The following ABL1 variants were observed in gnomAD, a reference collection of about 807,000 sequenced individuals.
ABL1 encodes tyrosine-protein kinase ABL1.
In ABL1, 11 loss-of-function variants were observed where a neutral mutation model predicts 94.7. The ratio of observed to expected loss-of-function variants is 0.12; its 90% CI spans 0.07 to 0.19. ABL1 has a LOEUF of 0.19. ABL1 is among the 10% of genes least tolerant of loss of function. The pLI is 1.00. For synonymous variants in ABL1, 656 were observed against 622.4 expected (o/e 1.05, Z -0.80); for missense variants, 1,082 against 1,489.4 (o/e 0.73, Z 4.50).
chr9:130,859,686 T>C lies in ABL1; in HGVS notation c.550-3077T>C, dbSNP rs1253322092. Among the ~76,000 whole-genome samples the C allele has an allele frequency of 2.1e-4, 23 of 111,394 alleles. 2 individuals are homozygous for C. The highest frequency in any genetic ancestry group is 9.1e-4 in the African/African-American group (21 of 23,092). 73.1% of individuals were successfully genotyped at this position (111,394 alleles called of 152,430 possible). A position where few individuals can be genotyped will look rare whatever the true frequency, so the allele number is the denominator to read the frequency against. ...TTCTTTTCTTTCTTTCCTTTTTTTT[T>C]TTTTTTTTTTTTTTTTTTTTGAGAC... On this transcript the variant is annotated intron_variant, in intron 3 of 10. Coordinates refer to ENST00000318560, the MANE Select transcript of ABL1 (RefSeq NM_005157.6).
rs149032190 is a variant in ABL1, at chr9:130,876,966, G to T, written c.1271-1449G>T. On this transcript the variant is annotated intron_variant, in intron 7 of 10. Coordinates refer to ENST00000318560, the MANE Select transcript of ABL1 (RefSeq NM_005157.6). ...GTTAGCCAGGATGGTCTCGATCTCCGGACTTCGTGATCCGCCCACCTTGGC... is the reference window on the plus strand; with the variant it reads ...GTTAGCCAGGATGGTCTCGATCTCCTGACTTCGTGATCCGCCCACCTTGGC... Among the ~76,000 whole-genome samples the T allele has an allele frequency of 4.1e-5, 6 of 146,448 alleles. 1 individual carries two copies. The East Asian group carries it at 7.8e-4, about 19-fold the overall frequency.
chr9:130,799,800 A>G (rs981464562), intron 1 of ABL1, among the ~76,000 whole-genome samples: 10 of 152,182 alleles, frequency 6.6e-5, no homozygotes, highest in Non-Finnish European at 1.0e-4. Context: ...GCTTTGTGTA[A>G]TAATGGACGC....
intron 1 of ABL1, among the ~76,000 whole-genome samples, chr9:130,797,809 TAGA>T (rs1157256224): frequency 6.6e-6 from 1 of 152,214 alleles, no homozygotes; most frequent in African/African-American, 2.4e-5. Context: ...GTTTGCCAAA[TAGA>T]AGAACACGGG....
chr9:130,815,905 C>G (rs1472900943), intron 1 of ABL1, among the ~76,000 whole-genome samples: 1 of 152,186 alleles, frequency 6.6e-6, no homozygotes, highest in Non-Finnish European at 1.5e-5. Context: ...GTAATCCCAG[C>G]TACTTGGGAG....
chr9:130,835,650 C>G lies in ABL1; in HGVS notation c.79+125C>G. 1.6e-6 allele frequency: 1 copy of G among 614,738 alleles called. No homozygotes were observed. Among genetic ancestry groups the G allele is most frequent in the Non-Finnish European group, 2.7e-6 (1 of 363,782 alleles). 38.1% of individuals were successfully genotyped at this position (614,738 alleles called of 1,614,324 possible). A position where few individuals can be genotyped will look rare whatever the true frequency, so the allele number is the denominator to read the frequency against. ...CCTCCCCGGGTCTTGTCTTTTTTTT[C>G]TTTCTTCCCTCTTCTCTTCTCTTCT... On this transcript the variant is annotated intron_variant, in intron 1 of 10. Transcript: ENST00000318560. The surrounding 1 kb of genome is among the most constrained non-coding windows in gnomAD (Gnocchi z 4.6).
intron 1 of ABL1, among the ~76,000 whole-genome samples, chr9:130,781,497 G>A (rs1175145090): frequency 6.6e-6 from 1 of 152,146 alleles, no homozygotes; most frequent in African/African-American, 2.4e-5. Flanking sequence ...GAGAAGAATT[G>A]CCAGAGAAGA....
chr9:130,874,140 T>G (rs997790999), intron 6 of ABL1, among the ~76,000 whole-genome samples: 2 of 152,202 alleles, frequency 1.3e-5, no homozygotes, highest in African/African-American at 2.4e-5. Context: ...CACGCAGCCA[T>G]CACCTCAAGC....
chr9:130,718,208 C>G (rs987883743), intron 1 of ABL1, among the ~76,000 whole-genome samples: 3 of 151,408 alleles, frequency 2.0e-5, no homozygotes, highest in Non-Finnish European at 4.4e-5. Flanking sequence ...ATCTCAGCTA[C>G]TCAGGAGGCT....
chr9:130,872,379 G>A lies in ABL1; in HGVS notation c.907+166G>A, dbSNP rs879778841. On this transcript the variant is annotated intron_variant, in intron 5 of 10. Coordinates refer to ENST00000318560, the MANE Select transcript of ABL1 (RefSeq NM_005157.6). The surrounding 1 kb of genome is among the most constrained non-coding windows in gnomAD (Gnocchi z 5.0). ...AAAATGAGGCCTGTATGGGATGGGT[G>A]TGTGCGTGTGTGCACATATGCACAT... 6.6e-6 allele frequency among the ~76,000 whole-genome samples: 1 copy of A among 152,250 alleles called. No homozygotes were observed. Among genetic ancestry groups the A allele is most frequent in the Non-Finnish European group, 1.5e-5 (1 of 68,040 alleles).
At chr9:130,793,489 G>A (rs2132811843) in intron 1 of ABL1, among the ~76,000 whole-genome samples, 1 of 152,184 alleles carries the variant, frequency 6.6e-6, no homozygotes, top group South Asian at 2.1e-4. Flanking sequence ...TCACACTTTT[G>A]ATATTTGCTG....
rs750562445 is a variant in ABL1, at chr9:130,835,455, G to A, written c.9G>A (p.Glu3=). The A allele has an allele frequency of 6.4e-5, 99 of 1,557,736 alleles. No homozygotes were observed. The highest frequency in any genetic ancestry group is 8.0e-5 in the Non-Finnish European group (92 of 1,150,056). ...CGTGCTGGCGCGGGAAAATGTTGGAGATCTGCCTGAAGCTGGTGGGCTGCA... is the reference window on the plus strand; with the variant it reads ...CGTGCTGGCGCGGGAAAATGTTGGAAATCTGCCTGAAGCTGGTGGGCTGCA... ML[E]ICLKLVGCKS... The change falls in exon 1 of 11, where the codon GAG becomes GAA. Residue 3 remains glutamate (E), a synonymous_variant. Coordinates refer to ENST00000318560, the MANE Select transcript of ABL1 (RefSeq NM_005157.6). This position sits in a 1 kb window ranked among gnomAD's most constrained non-coding sequence, Gnocchi z 4.6.
intron 7 of ABL1, 64 bp downstream of exon 7, chr9:130,875,116 T>G: frequency 1.3e-6 from 2 of 1,490,460 alleles, no homozygotes; most frequent in Non-Finnish European, 1.8e-6. Context: ...TTCTGCCTCT[T>G]TCTTGCTCTT....
chr9:130,797,382 G>GT (rs1442279077), intron 1 of ABL1, among the ~76,000 whole-genome samples: 4 of 149,210 alleles, frequency 2.7e-5, no homozygotes, highest in Non-Finnish European at 1.5e-5. Flanking sequence ...TGTTTGTTTT[G>GT]TTTTTGTTTT....
chr9:130,830,182 CAGTT>C (rs1183475443), intron 1 of ABL1, among the ~76,000 whole-genome samples: 6 of 152,112 alleles, frequency 3.9e-5, no homozygotes, highest in Non-Finnish European at 8.8e-5. Context: ...AAATGTTTAA[CAGTT>C]AGGTTTAGAC....
chr9:130,823,957 AG>A (rs1325579944), intron 1 of ABL1, among the ~76,000 whole-genome samples: 1 of 152,188 alleles, frequency 6.6e-6, no homozygotes, highest in Non-Finnish European at 1.5e-5. Context: ...AGTGTTATTG[AG>A]GAGTTAATTT....
chr9:130,844,052 C>T (rs1420286507), intron 1 of ABL1, among the ~76,000 whole-genome samples: 2 of 152,182 alleles, frequency 1.3e-5, no homozygotes, highest in African/African-American at 4.8e-5. Context: ...CCCAGCATTG[C>T]CCCCGATGAC....
chr9:130,803,432 C>T (rs1830083452), intron 1 of ABL1, among the ~76,000 whole-genome samples: 9 of 152,158 alleles, frequency 5.9e-5, no homozygotes, highest in Admixed American at 5.9e-4. Flanking sequence ...TCTGTCATGT[C>T]TGTGCATGAC....
intron 1 of ABL1, among the ~76,000 whole-genome samples, chr9:130,784,309 T>C (rs560070165): frequency 3.1e-4 from 47 of 151,892 alleles, no homozygotes; most frequent in Non-Finnish European, 5.0e-4. Flanking sequence ...TTTAAAGACA[T>C]ATAGTAATAT....
intron 1 of ABL1, among the ~76,000 whole-genome samples, chr9:130,801,220 T>C (rs1830050358): frequency 6.7e-6 from 1 of 149,418 alleles, no homozygotes; most frequent in South Asian, 2.1e-4. Flanking sequence ...TGAGCCACAG[T>C]GCCCGGCCCT....
Sources: allele counts gnomAD v4.1 joint callset (sites outside exome capture counted in the v4.1 genomes callset), GRCh38; gene constraint gnomAD v4.1.1; non-coding constraint Gnocchi (gnomAD v3.1); transcripts MANE v1.5; gene names NCBI Gene and HGNC (gene_info 2026-07-23, HGNC 2026-07-21).